LGSN: variants seen among roughly 807,000 people sequenced by gnomAD.
LGSN encodes lengsin, lens protein with glutamine synthetase domain, also known as lengsin.
In LGSN, 21 loss-of-function variants were observed where a neutral mutation model predicts 19.5. The ratio of observed to expected loss-of-function variants is 1.07; its 90% CI spans 0.76 to 1.55. The LOEUF (loss-of-function observed/expected upper bound fraction) is 1.55. Ranked by LOEUF, LGSN falls within the 40% of genes most tolerant of loss-of-function variation. The pLI is 0.00. For missense variants in LGSN, 673 were observed against 608.5 expected (o/e 1.11, Z -1.12); for synonymous variants, 257 against 215.6 (o/e 1.19, Z -1.68).
chr6:63,282,199 A>G (rs1247420359), intron 3 of LGSN, among the ~76,000 whole-genome samples: 2 of 152,244 alleles, frequency 1.3e-5, no homozygotes, highest in East Asian at 3.8e-4. Context: ...GAAATTATGT[A>G]TTAGAAATAT....
the LGSN span, among the ~76,000 whole-genome samples, chr6:63,554,519 C>A: frequency 6.6e-6 from 1 of 152,124 alleles, no homozygotes; most frequent in African/African-American, 2.4e-5. Flanking sequence ...TAATTTAGGC[C>A]GGGCACGGTG....
chr6:63,412,593 A>G, the LGSN span, among the ~76,000 whole-genome samples: 2 of 146,942 alleles, frequency 1.4e-5, no homozygotes, highest in African/African-American at 5.1e-5. Flanking sequence ...GAAAGAGGCA[A>G]AGAAAGAGGG....
At chr6:63,526,325 A>AAAAT in the LGSN span, among the ~76,000 whole-genome samples, 10 of 152,096 alleles carry the variant, frequency 6.6e-5, no homozygotes, top group East Asian at 5.8e-4. Flanking sequence ...ACTCCACCTC[A>AAAAT]AAATAAATAA....
the LGSN span, among the ~76,000 whole-genome samples, chr6:63,435,686 A>T: frequency 6.6e-6 from 1 of 152,104 alleles, no homozygotes; most frequent in African/African-American, 2.4e-5. Flanking sequence ...AATTTTCCAA[A>T]CCATGAATCA....
At chr6:63,529,702 T>A in the LGSN span, among the ~76,000 whole-genome samples, 3 of 152,036 alleles carry the variant, frequency 2.0e-5, no homozygotes, top group Non-Finnish European at 4.4e-5. Context: ...GAACCAAGGG[T>A]GGAGGAAAAG....
At chr6:63,545,258 C>G in the LGSN span, among the ~76,000 whole-genome samples, 1 of 152,222 alleles carries the variant, frequency 6.6e-6, no homozygotes, top group African/African-American at 2.4e-5. Context: ...CTTTTCATGT[C>G]TTTTCCTTCT....
the LGSN span, among the ~76,000 whole-genome samples, chr6:63,530,058 G>C: frequency 1.3e-5 from 2 of 151,898 alleles, no homozygotes; most frequent in African/African-American, 4.8e-5. Context: ...ACTGTTTCTC[G>C]AGATAGGGCA....
the LGSN span, among the ~76,000 whole-genome samples, chr6:63,389,543 G>A: frequency 6.6e-6 from 1 of 152,190 alleles, no homozygotes; most frequent in African/African-American, 2.4e-5. Context: ...AAAATTTGAA[G>A]GAACTGTGTT....
At chr6:63,473,764 T>G in the LGSN span, among the ~76,000 whole-genome samples, 1 of 147,838 alleles carries the variant, frequency 6.8e-6, no homozygotes, top group East Asian at 2.0e-4. Context: ...ATATTCCACA[T>G]TGGATTTGTC....
At chr6:63,326,040 G>A in the LGSN span, among the ~76,000 whole-genome samples, 1 of 152,062 alleles carries the variant, frequency 6.6e-6, no homozygotes, top group Non-Finnish European at 1.5e-5. Flanking sequence ...TACAATCCCT[G>A]AGCTCGACAC....
chr6:63,285,532 G>GT (rs1767490645), intron 3 of LGSN, 55 bp downstream of exon 3: 1 of 1,364,066 alleles, frequency 7.3e-7, no homozygotes, highest in East Asian at 2.3e-5. Flanking sequence ...AATAAGAACT[G>GT]TTTGCTTGCT....
chr6:63,528,482 T>C, the LGSN span, among the ~76,000 whole-genome samples: 1 of 151,892 alleles, frequency 6.6e-6, no homozygotes, highest in Non-Finnish European at 1.5e-5. Flanking sequence ...CCTAATACTT[T>C]GGGAGGCCAA....
intron 1 of LGSN, among the ~76,000 whole-genome samples, chr6:63,318,677 G>C (rs984855559): frequency 6.6e-6 from 1 of 152,168 alleles, no homozygotes; most frequent in Admixed American, 6.5e-5. Context: ...ATCAACATTT[G>C]GTCTAGACTG....
At chr6:63,547,879 A>C in the LGSN span, among the ~76,000 whole-genome samples, 1 of 152,056 alleles carries the variant, frequency 6.6e-6, no homozygotes, top group Non-Finnish European at 1.5e-5. Context: ...TGCACTTTCC[A>C]ACACTTATTT....
the LGSN span, among the ~76,000 whole-genome samples, chr6:63,466,405 G>A: frequency 6.6e-6 from 1 of 152,074 alleles, no homozygotes; most frequent in African/African-American, 2.4e-5. Flanking sequence ...GACTACAGGT[G>A]TATGCCACCA....
intron 1 of LGSN, among the ~76,000 whole-genome samples, chr6:63,309,425 C>G (rs1394046189): frequency 2.0e-5 from 3 of 152,106 alleles, no homozygotes; most frequent in African/African-American, 4.8e-5. Context: ...GAGCAAGACT[C>G]TATCTCAAAA....
chr6:63,329,652 T>A, the LGSN span, among the ~76,000 whole-genome samples: 450 of 152,330 alleles, frequency 3.0e-3, 3 homozygotes, highest in African/African-American at 0.01. Context: ...TTTTTTGCCT[T>A]TCCAGATTCT....
chr6:63,430,243 C>CA, the LGSN span, among the ~76,000 whole-genome samples: 2 of 152,118 alleles, frequency 1.3e-5, no homozygotes, highest in Admixed American at 1.3e-4. Context: ...CACCCTTCTC[C>CA]AAAGCTCCAG....
the LGSN span, among the ~76,000 whole-genome samples, chr6:63,354,109 C>G: frequency 6.6e-6 from 1 of 151,774 alleles, no homozygotes; most frequent in Admixed American, 6.6e-5. Context: ...GCTAAGACCT[C>G]AAAAGTACAG....
Sources: allele counts gnomAD v4.1 joint callset (sites outside exome capture counted in the v4.1 genomes callset), GRCh38; gene constraint gnomAD v4.1.1; transcripts MANE v1.5; gene names NCBI Gene and HGNC (gene_info 2026-07-23, HGNC 2026-07-21).